The following SEMA5A variants were observed in gnomAD, a reference collection of about 807,000 sequenced individuals.
The protein encoded by SEMA5A is semaphorin-5A.
In SEMA5A, 55 loss-of-function variants were observed where a neutral mutation model predicts 135.5. That is an observed-to-expected ratio of 0.41 (90% CI 0.33 to 0.51). The LOEUF (loss-of-function observed/expected upper bound fraction) is 0.51, where lower values mean the gene tolerates loss of function less well. Among genes scored for constraint, SEMA5A ranks in the 20% least tolerant of loss-of-function variants. The pLI is 0.37. For synonymous variants in SEMA5A, 580 were observed against 546.5 expected, an observed-to-expected ratio of 1.06 and a Z score of -0.85; for missense variants, 1,290 against 1,419.9, an observed-to-expected ratio of 0.91 and a Z score of 1.47.
At chr5:9,422,992 G>C (rs544987079) in intron 2 of SEMA5A, among the ~76,000 whole-genome samples, 1 of 152,180 alleles carries the variant, frequency 6.6e-6, no homozygotes, top group Admixed American at 6.5e-5. Flanking sequence ...GCAAGCCAGC[G>C]TTAAAGACCT....
At position 9,039,839 on chromosome 5, in the gene SEMA5A, C is replaced by T. The variant is rs896409363; in HGVS notation, c.*3058G>A. ...TGTCCCTGGAGCTACAGGAAGCCCA[C>T]ATGTTGTGTAGTGTGCAGAAATTCT... On this transcript the variant is annotated 3_prime_UTR_variant, in exon 23 of 23. Coordinates refer to ENST00000382496, the MANE Select transcript of SEMA5A (RefSeq NM_003966.3). The T allele has an allele frequency of 1.3e-5, 2 of 152,262 alleles. No homozygotes were observed. Among genetic ancestry groups the T allele is most frequent in the Non-Finnish European group, 2.9e-5 (2 of 68,082 alleles). 9.4% of individuals were successfully genotyped at this position (152,262 alleles called of 1,614,324 possible).
chr5:9,310,110 C>T lies in SEMA5A; in HGVS notation c.270+8262G>A, dbSNP rs535408613. On this transcript the variant is annotated intron_variant, in intron 5 of 22. Transcript: ENST00000382496. ...ATATTCATTGAGAACTTGCCGAGTACTAGGTACCATAATAGGTGACAAACT... is the reference window on the plus strand; with the variant it reads ...ATATTCATTGAGAACTTGCCGAGTATTAGGTACCATAATAGGTGACAAACT... Among the ~76,000 whole-genome samples, 41 of 152,152 alleles carry T rather than the reference C, an allele frequency of 2.7e-4. 1 individual carries two copies. The South Asian group carries it at 8.5e-3, about 32-fold the overall frequency.
chr5:9,159,926 A>C (rs111395479), intron 11 of SEMA5A, among the ~76,000 whole-genome samples: 13,241 of 152,222 alleles, frequency 0.087, 947 homozygotes, highest in African/African-American at 0.17. Flanking sequence ...GCTGGAAGAC[A>C]TCATCCTCAG....
Position 9,164,252 on chromosome 5 carries a change from C to T in SEMA5A, c.1274-9557G>A, listed in dbSNP as rs575928300. ...CATATAAATATTTATATAATTTATA[C>T]AATTATAAATATATGATATAAATAT... On this transcript the variant is annotated intron_variant, in intron 11 of 22. Coordinates refer to ENST00000382496, the MANE Select transcript of SEMA5A (RefSeq NM_003966.3). Among the ~76,000 whole-genome samples, 135 of 138,386 alleles carry T rather than the reference C, an allele frequency of 9.8e-4. 1 individual carries two copies. The South Asian group carries it at 0.023, about 23-fold the overall frequency. 90.8% of individuals were successfully genotyped at this position (138,386 alleles called of 152,430 possible).
intron 16 of SEMA5A, 73 bp from the exon 17 acceptor site, chr5:9,066,719 T>A: frequency 1.5e-6 from 2 of 1,328,948 alleles, no homozygotes; most frequent in Non-Finnish European, 2.1e-6. Context: ...TCCTTTCCTT[T>A]AGGGAAAGAT....
At chr5:9,427,016 T>C (rs1170715392) in intron 2 of SEMA5A, among the ~76,000 whole-genome samples, 3 of 152,090 alleles carry the variant, frequency 2.0e-5, no homozygotes, top group African/African-American at 4.8e-5. Context: ...GAAAGTTATT[T>C]TAAAAAATGA....
intron 9 of SEMA5A, among the ~76,000 whole-genome samples, chr5:9,200,581 G>T (rs1745651128): frequency 6.6e-6 from 1 of 152,216 alleles, no homozygotes; most frequent in Non-Finnish European, 1.5e-5. Context: ...TCTCTGGGTT[G>T]AAGACCAGAT....
At chr5:9,455,436 T>C (rs1279385217) in intron 1 of SEMA5A, among the ~76,000 whole-genome samples, 1 of 151,996 alleles carries the variant, frequency 6.6e-6, no homozygotes, top group African/African-American at 2.4e-5. Flanking sequence ...TTTTGTATTT[T>C]TAGTAGAGAC....
At chr5:9,291,237 T>A (rs1322464087) in intron 5 of SEMA5A, among the ~76,000 whole-genome samples, 2 of 152,138 alleles carry the variant, frequency 1.3e-5, no homozygotes, top group African/African-American at 4.8e-5. Flanking sequence ...TTTAAACAAG[T>A]TCTGGATGCG....
chr5:9,418,892 C>T (rs1757371439), intron 2 of SEMA5A, among the ~76,000 whole-genome samples: 1 of 152,186 alleles, frequency 6.6e-6, no homozygotes, highest in African/African-American at 2.4e-5. Flanking sequence ...CATTTATTTT[C>T]TTCCGCTAGC....
At chr5:9,195,442 G>A (rs905269245) in intron 10 of SEMA5A, among the ~76,000 whole-genome samples, 9 of 152,172 alleles carry the variant, frequency 5.9e-5, no homozygotes, top group Admixed American at 2.0e-4. Context: ...AAAGCACTGT[G>A]ATTATAGGCA....
At chr5:9,128,076 A>T (rs1319922041) in intron 13 of SEMA5A, among the ~76,000 whole-genome samples, 11 of 152,196 alleles carry the variant, frequency 7.2e-5, no homozygotes, top group Non-Finnish European at 1.5e-5. Context: ...AGGTAAATGG[A>T]TTTTTATGAA....
chr5:9,474,127 G>C (rs1759581150), intron 1 of SEMA5A, among the ~76,000 whole-genome samples: 1 of 152,130 alleles, frequency 6.6e-6, no homozygotes, highest in South Asian at 2.1e-4. Context: ...TAAAAGGCAA[G>C]GATGCTGACA....
At position 9,224,805 on chromosome 5, in the gene SEMA5A, A is replaced by T. The variant is rs1188903462; in HGVS notation, c.515T>A (p.Leu172His). 2.5e-6 allele frequency: 4 copies of T among 1,613,940 alleles called. No homozygotes were observed. The highest frequency in any genetic ancestry group is 3.4e-6 in the Non-Finnish European group (4 of 1,179,992). ...PYSPQHNSTA[L>H]LTAGGELYAA... ...ATAGAGCTCCCCACCAGCTGTGAGG[A>T]GCGCTGTGGAATTGTGCTGGGGACT... Residue 172 changes from leucine to histidine, a missense_variant, in exon 8 of 23, where the codon CTC becomes CAC. Leu to His is a moderately conservative substitution (Grantham distance 99). Coordinates refer to ENST00000382496, the MANE Select transcript of SEMA5A (RefSeq NM_003966.3).
At chr5:9,274,764 A>G (rs1750166240) in intron 5 of SEMA5A, among the ~76,000 whole-genome samples, 1 of 152,192 alleles carries the variant, frequency 6.6e-6, no homozygotes, top group Admixed American at 6.5e-5. Context: ...GCAGAAATAA[A>G]GATGTTCTTT....
intron 21 of SEMA5A, among the ~76,000 whole-genome samples, chr5:9,045,365 C>T (rs1389935278): frequency 6.6e-6 from 1 of 152,214 alleles, no homozygotes; most frequent in Non-Finnish European, 1.5e-5. Flanking sequence ...GCAAGCCAGA[C>T]TGCTTTTAGC....
intron 5 of SEMA5A, among the ~76,000 whole-genome samples, chr5:9,263,838 G>A (rs1749534821): frequency 1.3e-5 from 2 of 152,066 alleles, no homozygotes; most frequent in Non-Finnish European, 2.9e-5. Flanking sequence ...GTGTCTCTTG[G>A]GTATTTCTCA....
chr5:9,534,608 C>T (rs1336135175), intron 1 of SEMA5A, among the ~76,000 whole-genome samples: 4 of 151,992 alleles, frequency 2.6e-5, no homozygotes, highest in African/African-American at 7.3e-5. Flanking sequence ...GATCCAGACC[C>T]CAAGAGAGAG....
chr5:9,194,741 C>T (rs921969246), intron 10 of SEMA5A, among the ~76,000 whole-genome samples: 5 of 152,212 alleles, frequency 3.3e-5, no homozygotes, highest in African/African-American at 9.6e-5. Flanking sequence ...ATGCAAGCTT[C>T]CTGCCTGAAA....
Sources: gnomAD v4.1 joint callset for allele counts (sites outside exome capture counted in the v4.1 genomes callset) on GRCh38, gnomAD v4.1.1 for gene constraint, MANE v1.5 for transcripts, NCBI Gene and HGNC (gene_info 2026-07-23, HGNC 2026-07-21) for gene names.